The following AGO1 variants were observed in gnomAD, a reference collection of about 807,000 sequenced individuals.
AGO1 encodes argonaute RISC component 1, also known as protein argonaute-1.
Under a neutral mutation model 109.2 loss-of-function variants are expected in AGO1, and 11 were observed. The observed-to-expected ratio is 0.10, with a 90% CI of 0.06 to 0.17. The LOEUF (loss-of-function observed/expected upper bound fraction) is 0.17, where lower values mean the gene tolerates loss of function less well. Ranked by LOEUF, AGO1 falls within the 10% of genes least tolerant of loss-of-function variation. The probability of loss-of-function intolerance (pLI) is 1.00; values close to 1 mark genes in which losing one functional copy is unlikely to be tolerated. For synonymous variants in AGO1, 422 were observed against 418.6 expected, an observed-to-expected ratio of 1.01 and a Z score of -0.10; for missense variants, 574 against 1,140.3, an observed-to-expected ratio of 0.50 and a Z score of 7.15.
chr1:35,873,055 TTG>T, intron 1 of AGO1, among the ~76,000 whole-genome samples: 1 of 141,496 alleles, frequency 7.1e-6, no homozygotes, highest in East Asian at 4.7e-4. Flanking sequence ...CCCTGGTTAC[TTG>T]TTTTTTTTTT....
rs1042793716 is a variant in AGO1 at position 35,928,917 on chromosome 1, T to C, written c.*9310T>C. 2 of 152,246 alleles carry C rather than the reference T, an allele frequency of 1.3e-5. No individual in the cohort carries two copies. The highest frequency in any genetic ancestry group is 4.8e-5 in the African/African-American group (2 of 41,464). The allele number at this position is 152,246 out of a possible 1,614,324, so 9.4% of individuals were successfully genotyped here. On this transcript the variant is annotated 3_prime_UTR_variant, in exon 19 of 19. Transcript: ENST00000373204. ...GTACTATTTCTGTATTTCTTTCTTC[T>C]CAGAACAACCAGTGTCACCAGGTAT...
chr1:35,895,650 T>C (rs1422855350), intron 8 of AGO1, among the ~76,000 whole-genome samples: 1 of 152,198 alleles, frequency 6.6e-6, no homozygotes, highest in Non-Finnish European at 1.5e-5. Context: ...TGGTGATAAA[T>C]ACTACCTATA....
At chr1:35,887,082 A>G (rs1645133225) in intron 1 of AGO1, among the ~76,000 whole-genome samples, 2 of 152,170 alleles carry the variant, frequency 1.3e-5, no homozygotes. Context: ...CATGTAGCTG[A>G]GTTCTGAAGA....
intron 12 of AGO1, among the ~76,000 whole-genome samples, chr1:35,913,311 G>A (rs188898786): frequency 3.9e-5 from 6 of 152,264 alleles, no homozygotes; most frequent in Admixed American, 6.5e-5. Flanking sequence ...GAGCCACCGC[G>A]CCTGGCGTTC....
rs150639776 is a variant in AGO1 at position 35,914,238 on chromosome 1, C to G, written c.1797C>G (p.Pro599=). 5.6e-6 allele frequency: 9 copies of G among 1,614,194 alleles called. No homozygotes were observed. Among genetic ancestry groups the G allele is most frequent in the South Asian group, 5.5e-5 (5 of 91,078 alleles). The change falls in exon 14 of 19, where the codon CCC becomes CCG. Residue 599 remains proline (P), a synonymous_variant. Coordinates refer to ENST00000373204, the MANE Select transcript of AGO1 (RefSeq NM_012199.5). The part of the protein sequence containing the change: ...VIFLGADVTH[P]PAGDGKKPSI... Reference sequence around the variant, plus strand: ...TCCTGGGAGCAGATGTTACACACCCCCCAGCAGGGGATGGGAAAAAACCTT... The same window carrying G: ...TCCTGGGAGCAGATGTTACACACCCGCCAGCAGGGGATGGGAAAAAACCTT...
chr1:35,902,263 C>T lies in AGO1; in HGVS notation c.1323C>T (p.Tyr441=). 6.2e-7 allele frequency: 1 copy of T among 1,614,192 alleles called. No individual in the cohort carries two copies. Among genetic ancestry groups the T allele is most frequent in the Non-Finnish European group, 8.5e-7 (1 of 1,180,042 alleles). Residue 441 remains tyrosine (Y), a synonymous_variant, in exon 11 of 19, where the codon TAC becomes TAT. Coordinates refer to ENST00000373204, the MANE Select transcript of AGO1 (RefSeq NM_012199.5). ...GVWDMRGKQF[Y]NGIEIKVWAI... is the part of the protein sequence containing the mutation. ...GGGACATGCGGGGGAAACAGTTCTA[C>T]AATGGGATTGAGATCAAAGTCTGGG...
upstream of AGO1, among the ~76,000 whole-genome samples, chr1:35,880,141 C>G (rs1645023828): frequency 6.6e-6 from 1 of 152,134 alleles, no homozygotes; most frequent in South Asian, 2.1e-4. Context: ...GTGCCAAGCA[C>G]TAAAGGAGGA....
intron 15 of AGO1, 26 bp from the exon 16 acceptor site, chr1:35,917,567 T>C (rs778460798): frequency 1.9e-6 from 3 of 1,600,782 alleles, no homozygotes; most frequent in Admixed American, 3.4e-5. Context: ...ATTTCTTTGT[T>C]TCCCTCCCCA....
intron 17 of AGO1, 101 bp from the exon 18 acceptor site, chr1:35,918,954 G>A (rs1262839223): frequency 1.8e-6 from 2 of 1,087,888 alleles, no homozygotes; most frequent in Admixed American, 2.0e-5. Context: ...GTTCATGGGT[G>A]AATTATCTAC....
chr1:35,917,324 G>A (rs966267583), intron 15 of AGO1, among the ~76,000 whole-genome samples: 1 of 152,096 alleles, frequency 6.6e-6, no homozygotes, highest in East Asian at 1.9e-4. Flanking sequence ...CTTGGTATTA[G>A]GTCTCTTTAT....
Position 35,919,950 on chromosome 1 carries a change from G to C in AGO1, c.*343G>C, listed in dbSNP as rs545735322. 1.5e-4 allele frequency: 34 copies of C among 224,652 alleles called. 1 individual carries two copies. Among genetic ancestry groups the C allele is most frequent in the African/African-American group, 7.7e-4 (34 of 44,228 alleles). The allele number at this position is 224,652 out of a possible 1,614,324, so 13.9% of individuals were successfully genotyped here. On this transcript the variant is annotated 3_prime_UTR_variant, in exon 19 of 19. Coordinates refer to ENST00000373204, the MANE Select transcript of AGO1 (RefSeq NM_012199.5). The surrounding 1 kb of genome is among the most constrained non-coding windows in gnomAD (Gnocchi z 6.6). ...GCTAAAGACTCATGCTTGACAGCTTGGTAAGGTCAACTCTGTAGCCCTGCA... is the reference window on the plus strand; with the variant it reads ...GCTAAAGACTCATGCTTGACAGCTTCGTAAGGTCAACTCTGTAGCCCTGCA...
In AGO1 at chr1:35,893,135, T is replaced by C; in HGVS notation, c.369T>C (p.Asp123=). ...TGACAATCCCTGGGGAAGGGAAGGATCGAATCTTTAAGGTCTCCATCAAGT... is the reference window on the plus strand; with the variant it reads ...TGACAATCCCTGGGGAAGGGAAGGACCGAATCTTTAAGGTCTCCATCAAGT... ...FEVTIPGEGK[D]RIFKVSIKWL... Residue 123 remains aspartate (D), a synonymous_variant, in exon 4 of 19, where the codon GAT becomes GAC. Coordinates refer to ENST00000373204, the MANE Select transcript of AGO1 (RefSeq NM_012199.5). The surrounding 1 kb of genome is among the most constrained non-coding windows in gnomAD (Gnocchi z 5.6). 8 of 1,614,052 alleles carry C rather than the reference T, an allele frequency of 5.0e-6. No individual in the cohort carries two copies. Among genetic ancestry groups the C allele is most frequent in the East Asian group, 2.2e-5 (1 of 44,882 alleles).
intron 14 of AGO1, among the ~76,000 whole-genome samples, chr1:35,914,883 C>G (rs1032103978): frequency 2.6e-5 from 4 of 152,178 alleles, no homozygotes; most frequent in African/African-American, 9.7e-5. Context: ...GCTGCTGTCT[C>G]CTTTGTAAAT....
chr1:35,902,709 G>A (rs926268502), intron 11 of AGO1, among the ~76,000 whole-genome samples: 1 of 152,140 alleles, frequency 6.6e-6, no homozygotes, highest in African/African-American at 2.4e-5. Context: ...GTGAGTAGGT[G>A]GTGATATGTC....
At position 35,913,822 on chromosome 1, in the gene AGO1, A is replaced by G. The variant is rs997664963; in HGVS notation, c.1583-20A>G. ...TAAATATTTGTTGAATGCACTAATC[A>G]TTTCTCTCCCTGCCCTTAGCTGAGG... is the stretch of plus-strand genomic sequence containing the variant. On this transcript the variant is annotated intron_variant, in intron 12 of 18. Coordinates refer to ENST00000373204, the MANE Select transcript of AGO1 (RefSeq NM_012199.5). The G allele has an allele frequency of 1.2e-6, 2 of 1,611,066 alleles. No homozygotes were observed. Among genetic ancestry groups the G allele is most frequent in the Non-Finnish European group, 1.7e-6 (2 of 1,178,156 alleles).
intron 14 of AGO1, among the ~76,000 whole-genome samples, 178 bp downstream of exon 14, chr1:35,914,452 C>A (rs557521266): frequency 4.6e-5 from 7 of 152,232 alleles, no homozygotes; most frequent in African/African-American, 1.7e-4. Flanking sequence ...TGTATGGTGT[C>A]TTTTTTCAGG....
At chr1:35,907,260 A>G in intron 12 of AGO1, 141 bp downstream of exon 12, 1 of 721,410 alleles carries the variant, frequency 1.4e-6, no homozygotes, top group South Asian at 2.9e-5. Context: ...CTTATAGGAG[A>G]AATAGCATGC....
At position 35,929,742 on chromosome 1, in the gene AGO1, ATTG is replaced by A. The variant is rs551871231; in HGVS notation, c.*10138_*10140del. The A allele has an allele frequency of 1.3e-5, 2 of 152,196 alleles. No homozygotes were observed. Among genetic ancestry groups the A allele is most frequent in the Non-Finnish European group, 2.9e-5 (2 of 68,026 alleles). 9.4% of individuals were successfully genotyped at this position (152,196 alleles called of 1,614,324 possible). On this transcript the variant is annotated 3_prime_UTR_variant, in exon 19 of 19. Transcript: ENST00000373204. ...ATGTGGTTTTGAGTCCCATACATTT[ATTG>A]TTTAATATTATATGGTAAGTACTTT...
At chr1:35,879,305 A>G (rs533732740), upstream of AGO1, among the ~76,000 whole-genome samples, 1 of 151,960 alleles carries the variant, frequency 6.6e-6, no homozygotes, top group South Asian at 2.1e-4. Flanking sequence ...AAAATTAGCC[A>G]GGTGTGGTGG....
Sources: gnomAD v4.1 joint callset for allele counts (sites outside exome capture counted in the v4.1 genomes callset) on GRCh38, gnomAD v4.1.1 for gene constraint, Gnocchi (gnomAD v3.1) non-coding constraint, MANE v1.5 for transcripts, NCBI Gene and HGNC (gene_info 2026-07-23, HGNC 2026-07-21) for gene names.